Variants in GALNTL6 observed in about 807,000 individuals in gnomAD.
GALNTL6 encodes polypeptide N-acetylgalactosaminyltransferase-like 6.
GALNTL6 carries 46 observed loss-of-function variants against 73.7 expected under a neutral mutation model. The ratio of observed to expected loss-of-function variants is 0.62; its 90% CI spans 0.49 to 0.80. The LOEUF (loss-of-function observed/expected upper bound fraction) is 0.80. Among genes scored for constraint, GALNTL6 ranks in the 30% least tolerant of loss-of-function variants. The pLI is 0.00. For synonymous variants in GALNTL6, 259 were observed against 263.7 expected (o/e 0.98, Z 0.17); for missense variants, 604 against 755.0 (o/e 0.80, Z 2.34).
intron 7 of GALNTL6, among the ~76,000 whole-genome samples, chr4:172,874,331 A>G (rs17252939): frequency 0.096 from 14,597 of 152,214 alleles, 866 homozygotes; most frequent in Non-Finnish European, 0.14. Flanking sequence ...GGGAATGTGG[A>G]AACAGATAGA....
intron 7 of GALNTL6, among the ~76,000 whole-genome samples, chr4:172,817,468 T>C (rs1741672500): frequency 6.6e-6 from 1 of 152,040 alleles, no homozygotes; most frequent in Admixed American, 6.6e-5. Context: ...TTTTGGGTTA[T>C]TATTAAGGAA....
At chr4:172,619,745 G>T (rs1738882696) in intron 5 of GALNTL6, among the ~76,000 whole-genome samples, 1 of 152,136 alleles carries the variant, frequency 6.6e-6, no homozygotes, top group South Asian at 2.1e-4. Context: ...TTGAAGTTTT[G>T]AGATTTAATG....
At chr4:172,269,523 T>C (rs1790087482) in intron 3 of GALNTL6, among the ~76,000 whole-genome samples, 1 of 152,124 alleles carries the variant, frequency 6.6e-6, no homozygotes, top group African/African-American at 2.4e-5. Context: ...GCCTAGATCA[T>C]ACTGGGAAAG....
chr4:172,250,176 C>T (rs1201690887), intron 3 of GALNTL6, among the ~76,000 whole-genome samples: 1 of 152,124 alleles, frequency 6.6e-6, no homozygotes, highest in Non-Finnish European at 1.5e-5. Context: ...TATGACCTTA[C>T]ATCAGTGTGA....
intron 5 of GALNTL6, among the ~76,000 whole-genome samples, chr4:172,503,339 G>A (rs1734329065): frequency 6.6e-6 from 1 of 151,876 alleles, no homozygotes; most frequent in Non-Finnish European, 1.5e-5. Context: ...GCAAGCTAAT[G>A]CACTTAGCTC....
At chr4:172,647,281 G>A (rs1250364172) in intron 5 of GALNTL6, among the ~76,000 whole-genome samples, 1 of 151,996 alleles carries the variant, frequency 6.6e-6, no homozygotes, top group African/African-American at 2.4e-5. Flanking sequence ...ATTATATCTG[G>A]CTTTTCAATA....
intron 4 of GALNTL6, among the ~76,000 whole-genome samples, chr4:172,336,316 G>A (rs1194371612): frequency 7.6e-6 from 1 of 132,066 alleles, no homozygotes. Context: ...TGTTGCCCAG[G>A]CTGGAGTGCA....
At chr4:172,401,198 G>A (rs569658852) in intron 5 of GALNTL6, among the ~76,000 whole-genome samples, 160 of 151,972 alleles carry the variant, frequency 1.1e-3, no homozygotes, top group Middle Eastern at 0.01. Flanking sequence ...ACACACACAT[G>A]CACACACATA....
intron 5 of GALNTL6, among the ~76,000 whole-genome samples, chr4:172,779,363 T>C (rs116614933): frequency 0.027 from 4,084 of 152,188 alleles, 171 homozygotes; most frequent in African/African-American, 0.09. Flanking sequence ...TCAACTCTCC[T>C]AAATACCTGG....
At chr4:172,151,866 C>CAT (rs756918195) in intron 2 of GALNTL6, among the ~76,000 whole-genome samples, 38 of 150,410 alleles carry the variant, frequency 2.5e-4, no homozygotes, top group Admixed American at 6.7e-4. Context: ...ATGCCTTTTC[C>CAT]ATATATATAT....
chr4:172,117,958 G>GA (rs985537847), intron 2 of GALNTL6, among the ~76,000 whole-genome samples: 1 of 152,106 alleles, frequency 6.6e-6, no homozygotes, highest in African/African-American at 2.4e-5. Flanking sequence ...ATTCTGGTGA[G>GA]AAAAAAATTC....
At chr4:172,972,651 G>A (rs1750633344) in intron 10 of GALNTL6, among the ~76,000 whole-genome samples, 1 of 152,166 alleles carries the variant, frequency 6.6e-6, no homozygotes, top group East Asian at 1.9e-4. Flanking sequence ...TAGTTGTGGG[G>A]CAGGAAAGGT....
At chr4:172,687,625 CA>C (rs34724807) in intron 5 of GALNTL6, among the ~76,000 whole-genome samples, 2,186 of 129,034 alleles carry the variant, frequency 0.017, 25 homozygotes, top group African/African-American at 0.04. Context: ...AAGACTGTCT[CA>C]AAAAAAAAAA....
At chr4:172,887,536 TTTTATTTATTTA>T (rs56097389) in intron 8 of GALNTL6, among the ~76,000 whole-genome samples, 4,376 of 143,336 alleles carry the variant, frequency 0.031, 59 homozygotes, top group Non-Finnish European at 0.035. Flanking sequence ...TATTTTAACC[TTTTATTTATTTA>T]TTTATTTATT....
intron 5 of GALNTL6, among the ~76,000 whole-genome samples, chr4:172,707,916 G>A (rs1274481362): frequency 6.6e-6 from 1 of 152,104 alleles, no homozygotes; most frequent in African/African-American, 2.4e-5. Context: ...GGCTATGTAG[G>A]TCCAGCAGGG....
At chr4:172,637,744 T>A (rs754601902) in intron 5 of GALNTL6, among the ~76,000 whole-genome samples, 3 of 152,100 alleles carry the variant, frequency 2.0e-5, no homozygotes, top group Non-Finnish European at 4.4e-5. Context: ...TTGGGTAAAG[T>A]TCTTAAGTTC....
chr4:172,323,515 A>G (rs1484505707), intron 4 of GALNTL6, among the ~76,000 whole-genome samples: 1 of 152,180 alleles, frequency 6.6e-6, no homozygotes, highest in Non-Finnish European at 1.5e-5. Flanking sequence ...TCTTCTATTG[A>G]GAATGGGAAG....
At chr4:172,087,226 G>A (rs112697910) in intron 2 of GALNTL6, among the ~76,000 whole-genome samples, 5,044 of 152,068 alleles carry the variant, frequency 0.033, 268 homozygotes, top group African/African-American at 0.11. Context: ...GGCGGCTCAC[G>A]AGGTCAGGAG....
At chr4:172,853,537 C>T (rs560699467) in intron 7 of GALNTL6, among the ~76,000 whole-genome samples, 1 of 152,168 alleles carries the variant, frequency 6.6e-6, no homozygotes, top group East Asian at 1.9e-4. Context: ...GGCTTTCGTA[C>T]TGATTCTTGC....
Sources: gnomAD v4.1 joint callset for allele counts (sites outside exome capture counted in the v4.1 genomes callset) on GRCh38, gnomAD v4.1.1 for gene constraint, MANE v1.5 for transcripts, NCBI Gene and HGNC (gene_info 2026-07-23, HGNC 2026-07-21) for gene names.